PYCR2: variants seen among roughly 807,000 people sequenced by gnomAD.
PYCR2 encodes the protein P5C reductase 2.
In PYCR2, 17 loss-of-function variants were observed where a neutral mutation model predicts 23.4. The observed-to-expected ratio is 0.73, with a 90% CI of 0.50 to 1.09. The LOEUF (loss-of-function observed/expected upper bound fraction) is 1.09. Among genes scored for constraint, PYCR2 ranks in the 50% least tolerant of loss-of-function variants. The probability of loss-of-function intolerance (pLI) is 0.00; values close to 1 mark genes in which losing one functional copy is unlikely to be tolerated. For synonymous variants in PYCR2, 172 were observed against 176.6 expected (o/e 0.97, Z 0.21); for missense variants, 380 against 423.5 (o/e 0.90, Z 0.90).
In PYCR2 at chr1:225,921,883, C is replaced by T; in HGVS notation, c.515G>A (p.Gly172Glu). The T allele has an allele frequency of 6.2e-7, 1 of 1,613,204 alleles. No homozygotes were observed. The highest frequency in any genetic ancestry group is 8.5e-7 in the Non-Finnish European group (1 of 1,180,026). The change falls in exon 4 of 7, where the codon GGG becomes GAG. Residue 172 changes from glycine to glutamate, a missense_variant. By Grantham distance (98) the Gly-to-Glu change is moderately conservative. Coordinates refer to ENST00000343818, the MANE Select transcript of PYCR2 (RefSeq NM_013328.4). This position sits in a 1 kb window ranked among gnomAD's most constrained non-coding sequence, Gnocchi z 4.2. ...ATAGGCAGGCCCGCTGCCACTGAGC[C>T]CCGTGACGGCATCGATGAGGTCCTC... ...VEEDLIDAVT[G>E]LSGSGPAYAF...
Position 225,922,224 on chromosome 1 carries a change from T to C in PYCR2, c.298A>G (p.Thr100Ala), listed in dbSNP as rs1671862277. The change falls in exon 3 of 7, where the codon ACC becomes GCC. Residue 100 changes from threonine (T) to alanine (A), a missense_variant. Coordinates refer to ENST00000343818, the MANE Select transcript of PYCR2 (RefSeq NM_013328.4). ...GGCACCTTCTCCACAGAGCTGATGG[T>C]GACACCAGCCGCACAGGAGACCACG... ...HIVVSCAAGV[T>A]ISSVEKKLMA... 6.2e-7 allele frequency: 1 copy of C among 1,613,992 alleles called. No individual in the cohort carries two copies.
intron 2 of PYCR2, chr1:225,922,954 G>A: frequency 1.1e-6 from 1 of 933,482 alleles, no homozygotes; most frequent in Non-Finnish European, 1.3e-6. Context: ...ACAGGTTTTG[G>A]GTGAAGACTT....
rs1269842484 is a variant in PYCR2, at chr1:225,922,068, T to C, written c.330A>G (p.Ala110=). 4 of 1,613,842 alleles carry C rather than the reference T, an allele frequency of 2.5e-6. No homozygotes were observed. The highest frequency in any genetic ancestry group is 3.4e-6 in the Non-Finnish European group (4 of 1,179,924). Residue 110 remains alanine, a synonymous_variant, in exon 4 of 7, where the codon GCA becomes GCG. Transcript: ENST00000343818. Reference sequence around the variant, plus strand: ...GAATCACTTTGGGGGCTGGCTGGAATGCCATCAGCTTCTAGGGTGAGGGAG... The same window carrying C: ...GAATCACTTTGGGGGCTGGCTGGAACGCCATCAGCTTCTAGGGTGAGGGAG... ...TISSVEKKLM[A]FQPAPKVIRC...
chr1:225,921,824 C>T lies in PYCR2; in HGVS notation c.540+34G>A. On this transcript the variant is annotated intron_variant, in intron 4 of 6. Transcript: ENST00000343818. This position sits in a 1 kb window ranked among gnomAD's most constrained non-coding sequence, Gnocchi z 4.2. ...GCCAGCCCATCTTGCTGCCTGGGTT[C>T]CTAGAAGGCTGAGCGAGCAAATGAG... is the stretch of plus-strand genomic sequence containing the variant. 1 of 1,611,910 alleles carries T rather than the reference C, an allele frequency of 6.2e-7. No individual in the cohort carries two copies. Among genetic ancestry groups the T allele is most frequent in the South Asian group, 1.1e-5 (1 of 90,840 alleles).
chr1:225,923,844 C>A, intron 1 of PYCR2, 73 bp from the exon 2 acceptor site: 1 of 1,594,800 alleles, frequency 6.3e-7, no homozygotes, highest in South Asian at 1.1e-5. Flanking sequence ...GCTCTAAAAC[C>A]CAGAGCCGTC....
In PYCR2 at chr1:225,920,380, C is replaced by CGGGGCAGGGGG; in HGVS notation, c.*64_*74dup. 2 of 1,194,958 alleles carry CGGGGCAGGGGG rather than the reference C, an allele frequency of 1.7e-6. No homozygotes were observed. The highest frequency in any genetic ancestry group is 2.2e-6 in the Non-Finnish European group (2 of 929,404). 74.0% of individuals were successfully genotyped at this position (1,194,958 alleles called of 1,614,324 possible). On this transcript the variant is annotated 3_prime_UTR_variant, in exon 7 of 7. Coordinates refer to ENST00000343818, the MANE Select transcript of PYCR2 (RefSeq NM_013328.4). ...AGCTGAGGAGGGGCAATGGTGGGAG[C>CGGGGCAGGGGG]GGGGCAGGGGGGTGGCAGGGGCGGC...
intron 2 of PYCR2, chr1:225,923,235 T>C (rs1671896378): frequency 3.9e-6 from 1 of 255,596 alleles, no homozygotes; most frequent in African/African-American, 2.3e-5. Context: ...CAGTATTCTC[T>C]ACCAAAAATA....
intron 2 of PYCR2, chr1:225,922,785 C>T (rs765062450): frequency 4.8e-5 from 11 of 227,112 alleles, no homozygotes; most frequent in Admixed American, 2.6e-4. Flanking sequence ...TCGTGGGGAC[C>T]GCACAGTCTC....
rs370369664 is a variant in PYCR2, at chr1:225,921,699, G to T, written c.541-55C>A. 6.9e-6 allele frequency: 11 copies of T among 1,603,366 alleles called. No individual in the cohort carries two copies. The highest frequency in any genetic ancestry group is 2.7e-5 in the African/African-American group (2 of 74,680). On this transcript the variant is annotated intron_variant, in intron 4 of 6. Transcript: ENST00000343818. This position sits in a 1 kb window ranked among gnomAD's most constrained non-coding sequence, Gnocchi z 4.2. ...ATAGGCACTGAAGGGCCTTTCCTTA[G>T]GTCTGCTTTCTGATGACTAGAACTA... is the stretch of plus-strand genomic sequence containing the variant.
At chr1:225,922,516 G>A in intron 2 of PYCR2, 133 bp from the exon 3 acceptor site, 5 of 875,860 alleles carry the variant, frequency 5.7e-6, no homozygotes, top group Non-Finnish European at 8.7e-6. Context: ...ATGCCCTCAG[G>A]GTTCTACCCC....
Position 225,921,572 on chromosome 1 carries a change from G to T in PYCR2, c.613C>A (p.Leu205Ile). Residue 205 changes from leucine (L) to isoleucine (I), a missense_variant, in exon 5 of 7, where the codon CTC (leucine) becomes ATC (isoleucine). Coordinates refer to ENST00000343818, the MANE Select transcript of PYCR2 (RefSeq NM_013328.4). The surrounding 1 kb of genome is among the most constrained non-coding windows in gnomAD (Gnocchi z 4.2). The stretch of plus-strand genomic sequence containing the variant: ...CTGACCAGCAAAGCCTGGGCCCCGA[G>T]TTGGATTGCCAGGCGCCGTGGCAAA... ...MGLPRRLAIQ[L>I]GAQALLGAAK... 1 of 1,614,218 alleles carries T rather than the reference G, an allele frequency of 6.2e-7. No individual in the cohort carries two copies. The highest frequency in any genetic ancestry group is 2.2e-5 in the East Asian group (1 of 44,886).
rs779939976 is a variant in PYCR2, at chr1:225,924,146, C to A, written c.-36G>T. The A allele has an allele frequency of 6.7e-5, 102 of 1,528,086 alleles. No individual in the cohort carries two copies. The highest frequency in any genetic ancestry group is 8.7e-5 in the Non-Finnish European group (99 of 1,139,962). The allele number at this position is 1,528,086 out of a possible 1,614,324, so 94.7% of individuals were successfully genotyped here. On this transcript the variant is annotated 5_prime_UTR_variant, in exon 1 of 7. Transcript: ENST00000343818. ...TCACGCCTCCTGGGAGCCGCACGAA[C>A]CCCCTCAGCGAGGGACCGGAAGTAA... is the stretch of plus-strand genomic sequence containing the variant.
rs1671918218 is a variant in PYCR2, at chr1:225,923,887, C to A, written c.68-116G>T. The A allele has an allele frequency of 8.6e-6, 13 of 1,511,502 alleles. No individual in the cohort carries two copies. The South Asian group carries it at 1.5e-4, about 18-fold the overall frequency. 93.6% of individuals were successfully genotyped at this position (1,511,502 alleles called of 1,614,324 possible). A position where few individuals can be genotyped will look rare whatever the true frequency, so the allele number is the denominator to read the frequency against. Reference sequence around the variant, plus strand: ...TGCCAGTCTCCCTCTCCCCCTCAACCCTCTACGAGGACAGAAGACGCACTT... The same window carrying A: ...TGCCAGTCTCCCTCTCCCCCTCAACACTCTACGAGGACAGAAGACGCACTT... On this transcript the variant is annotated intron_variant, in intron 1 of 6. Transcript: ENST00000343818.
At position 225,922,301 on chromosome 1, in the gene PYCR2, A is replaced by T; in HGVS notation, c.221T>A (p.Ile74Asn). Residue 74 changes from isoleucine (I) to asparagine (N), a missense_variant, in exon 3 of 7, where the codon ATC (isoleucine) becomes AAC (asparagine). Physicochemically the swap from Ile to Asn is moderately radical, Grantham distance 149. Coordinates refer to ENST00000343818, the MANE Select transcript of PYCR2 (RefSeq NM_013328.4). ...AATCTCATCCAGGATGAAGGGGATG[A>T]TATGTGGCTTCACAGCCAGAAACAG... The part of the protein sequence containing the change: ...DVLFLAVKPH[I>N]IPFILDEIGA... The T allele has an allele frequency of 6.2e-7, 1 of 1,614,206 alleles. No homozygotes were observed. Among genetic ancestry groups the T allele is most frequent in the Non-Finnish European group, 8.5e-7 (1 of 1,180,026 alleles).
In PYCR2 at chr1:225,922,212, C is replaced by G. The variant is rs767242616; in HGVS notation, c.310G>C (p.Val104Leu). 1.5e-5 allele frequency: 24 copies of G among 1,613,426 alleles called. No individual in the cohort carries two copies. The highest frequency in any genetic ancestry group is 2.0e-5 in the Non-Finnish European group (24 of 1,179,514). The change falls in exon 3 of 7, where the codon GTG becomes CTG. Residue 104 changes from valine (V) to leucine (L), a missense_variant. By Grantham distance (32) the Val-to-Leu change is conservative. Transcript: ENST00000343818. ...SCAAGVTISSVEKKLMAFQPA... is the reference protein window; with the variant it reads ...SCAAGVTISSLEKKLMAFQPA... ...AGGGCTGAGATGGGCACCTTCTCCA[C>G]AGAGCTGATGGTGACACCAGCCGCA...
At chr1:225,923,341 G>A in intron 2 of PYCR2, 1 of 620,634 alleles carries the variant, frequency 1.6e-6, no homozygotes, top group Non-Finnish European at 2.1e-6. Flanking sequence ...ACAGTGAGCT[G>A]AGATCGCGCC....
chr1:225,922,939 A>C, intron 2 of PYCR2: 1 of 916,006 alleles, frequency 1.1e-6, no homozygotes, highest in Non-Finnish European at 1.3e-6. Context: ...CCTCTCCCAC[A>C]GAGCACAGGT....
chr1:225,923,910 C>T (rs1282209149), intron 1 of PYCR2, 134 bp downstream of exon 1: 4 of 1,474,000 alleles, frequency 2.7e-6, no homozygotes, highest in Non-Finnish European at 3.7e-6. Context: ...AGAAGACGCA[C>T]TTGCTGCTCA....
Position 225,920,308 on chromosome 1 carries a change from T to C in PYCR2, c.*147A>G. 1 of 726,614 alleles carries C rather than the reference T, an allele frequency of 1.4e-6. No homozygotes were observed. The highest frequency in any genetic ancestry group is 2.8e-5 in the South Asian group (1 of 35,720). The allele number at this position is 726,614 out of a possible 1,614,324, so 45.0% of individuals were successfully genotyped here. On this transcript the variant is annotated 3_prime_UTR_variant, in exon 7 of 7. Transcript: ENST00000343818. Reference sequence around the variant, plus strand: ...TGGTCTGAACAGATTTAAGGAGGTTTTATCACAAGGACCTGAAAACTTCCT... The same window carrying C: ...TGGTCTGAACAGATTTAAGGAGGTTCTATCACAAGGACCTGAAAACTTCCT...
Sources: gnomAD v4.1 joint callset for allele counts on GRCh38, gnomAD v4.1.1 for gene constraint, Gnocchi (gnomAD v3.1) non-coding constraint, MANE v1.5 for transcripts, NCBI Gene and HGNC (gene_info 2026-07-23, HGNC 2026-07-21) for gene names.